Variants in ENTREP2 observed in about 807,000 individuals in gnomAD.
ENTREP2 encodes the protein endosomal transmembrane epsin interactor 2, also known as protein ENTREP2.
the ENTREP2 span, among the ~76,000 whole-genome samples, chr15:29,603,629 TTTAA>T: frequency 2.0e-5 from 3 of 152,222 alleles, no homozygotes; most frequent in South Asian, 2.1e-4. Flanking sequence ...TTTCATTTTA[TTTAA>T]TTAATTAATT....
At chr15:29,537,650 G>C in the ENTREP2 span, among the ~76,000 whole-genome samples, 2 of 152,142 alleles carry the variant, frequency 1.3e-5, no homozygotes, top group Middle Eastern at 3.4e-3. Flanking sequence ...CTCCTTCAAA[G>C]CACTCTACAG....
the ENTREP2 span, among the ~76,000 whole-genome samples, chr15:29,232,009 C>T: frequency 6.6e-5 from 10 of 151,848 alleles, no homozygotes; most frequent in Non-Finnish European, 1.5e-4. Context: ...CCCGCTTCAG[C>T]CTCCTGAGTA....
At chr15:29,230,866 A>G in the ENTREP2 span, among the ~76,000 whole-genome samples, 4 of 152,158 alleles carry the variant, frequency 2.6e-5, no homozygotes, top group African/African-American at 9.7e-5. Context: ...AGGCTATGGG[A>G]AGCAATTAAA....
the ENTREP2 span, among the ~76,000 whole-genome samples, chr15:29,133,717 A>G: frequency 6.6e-6 from 1 of 152,176 alleles, no homozygotes; most frequent in Admixed American, 6.5e-5. Flanking sequence ...TGCCACCTGC[A>G]ATGGTGTCAT....
the ENTREP2 span, among the ~76,000 whole-genome samples, chr15:29,431,531 A>G: frequency 6.6e-6 from 1 of 152,112 alleles, no homozygotes. Flanking sequence ...GCAAAAATAT[A>G]ACCCACAAAA....
At chr15:29,144,558 G>A in the ENTREP2 span, among the ~76,000 whole-genome samples, 2 of 152,068 alleles carry the variant, frequency 1.3e-5, no homozygotes, top group South Asian at 2.1e-4. Flanking sequence ...GAGGGAACCT[G>A]TCTCTACAAA....
chr15:29,255,767 C>T, the ENTREP2 span, among the ~76,000 whole-genome samples: 15 of 151,854 alleles, frequency 9.9e-5, no homozygotes, highest in African/African-American at 2.4e-4. Flanking sequence ...TTTGGGGGGT[C>T]GAGGCGGGCG....
chr15:29,191,238 T>C, the ENTREP2 span, among the ~76,000 whole-genome samples: 1 of 152,146 alleles, frequency 6.6e-6, no homozygotes, highest in South Asian at 2.1e-4. Flanking sequence ...GAAGTATCTA[T>C]AATTATGGGA....
the ENTREP2 span, among the ~76,000 whole-genome samples, chr15:29,397,068 C>T: frequency 1.3e-5 from 2 of 152,050 alleles, no homozygotes; most frequent in Non-Finnish European, 2.9e-5. Context: ...CTAAAACTCA[C>T]AGAAAGGCAA....
At chr15:29,348,160 G>C in the ENTREP2 span, among the ~76,000 whole-genome samples, 1 of 152,198 alleles carries the variant, frequency 6.6e-6, no homozygotes, top group African/African-American at 2.4e-5. Context: ...CATTTATTGA[G>C]TCCAAAAATA....
chr15:29,128,796 G>T, the ENTREP2 span: 1 of 1,550,822 alleles, frequency 6.4e-7, no homozygotes, highest in Non-Finnish European at 8.7e-7. Context: ...TACCTGGAGT[G>T]CTGAAGCCAG....
chr15:29,245,993 G>C, the ENTREP2 span, among the ~76,000 whole-genome samples: 1 of 152,116 alleles, frequency 6.6e-6, no homozygotes, highest in Non-Finnish European at 1.5e-5. Flanking sequence ...CTCTAGATCT[G>C]TTTGCATTCC....
the ENTREP2 span, among the ~76,000 whole-genome samples, chr15:29,602,176 T>G: frequency 6.6e-6 from 1 of 152,220 alleles, no homozygotes; most frequent in Non-Finnish European, 1.5e-5. Flanking sequence ...GTAAGCCCCA[T>G]GAGGGCAGGA....
chr15:29,450,799 G>A, the ENTREP2 span, among the ~76,000 whole-genome samples: 2 of 152,174 alleles, frequency 1.3e-5, no homozygotes, highest in African/African-American at 4.8e-5. Context: ...AAAGAATGAT[G>A]TTCCTGCAAA....
the ENTREP2 span, among the ~76,000 whole-genome samples, chr15:29,157,258 C>T: frequency 4.6e-5 from 7 of 152,108 alleles, no homozygotes; most frequent in African/African-American, 7.2e-5. Context: ...AGGAGTCATC[C>T]CTACAGAGTT....
the ENTREP2 span, among the ~76,000 whole-genome samples, chr15:29,311,686 T>TC: frequency 6.0e-4 from 89 of 148,708 alleles, no homozygotes; most frequent in Middle Eastern, 3.4e-3. Flanking sequence ...TGAGACTCCA[T>TC]CCCCCCCCCA....
chr15:29,353,790 A>T, the ENTREP2 span, among the ~76,000 whole-genome samples: 1 of 152,172 alleles, frequency 6.6e-6, no homozygotes, highest in Admixed American at 6.5e-5. Flanking sequence ...CACCCAATGG[A>T]GGAGCTCTTA....
At chr15:29,416,257 C>T in the ENTREP2 span, among the ~76,000 whole-genome samples, 1 of 152,252 alleles carries the variant, frequency 6.6e-6, no homozygotes, top group East Asian at 1.9e-4. Flanking sequence ...TACTACAAGG[C>T]TACAGTAACC....
the ENTREP2 span, among the ~76,000 whole-genome samples, chr15:29,166,206 G>A: frequency 6.6e-6 from 1 of 152,086 alleles, no homozygotes; most frequent in African/African-American, 2.4e-5. Context: ...CAAAACCACA[G>A]GCAACATAAT....
Sources: gnomAD v4.1 joint callset for allele counts (sites outside exome capture counted in the v4.1 genomes callset) on GRCh38, gnomAD v4.1.1 for gene constraint, MANE v1.5 for transcripts, NCBI Gene and HGNC (gene_info 2026-07-23, HGNC 2026-07-21) for gene names.